SHISA9: variants seen among roughly 807,000 people sequenced by gnomAD.
SHISA9 encodes protein shisa-9.
In SHISA9, 13 loss-of-function variants were observed where a neutral mutation model predicts 38.0. The observed-to-expected ratio is 0.34, with a 90% CI of 0.22 to 0.54. The LOEUF (loss-of-function observed/expected upper bound fraction) is 0.54. Ranked by LOEUF, SHISA9 falls within the 20% of genes least tolerant of loss-of-function variation. The probability of loss-of-function intolerance (pLI) is 0.91; values close to 1 mark genes in which losing one functional copy is unlikely to be tolerated. For synonymous variants in SHISA9, 275 were observed against 242.0 expected, an observed-to-expected ratio of 1.14 and a Z score of -1.27; for missense variants, 538 against 575.8, an observed-to-expected ratio of 0.93 and a Z score of 0.67.
chr16:13,005,721 C>T (rs373759834), intron 2 of SHISA9, among the ~76,000 whole-genome samples: 63 of 152,272 alleles, frequency 4.1e-4, no homozygotes, highest in African/African-American at 1.4e-3. Context: ...TCCCTGAAAC[C>T]GGGCATCGGT....
At chr16:12,994,099 G>T (rs183966057) in intron 2 of SHISA9, among the ~76,000 whole-genome samples, 2 of 152,298 alleles carry the variant, frequency 1.3e-5, no homozygotes, top group Non-Finnish European at 1.5e-5. Context: ...TATGGAATTT[G>T]GGTCTTTCCT....
intron 2 of SHISA9, among the ~76,000 whole-genome samples, chr16:13,197,156 T>G (rs11648892): frequency 0.068 from 9,570 of 141,382 alleles, 397 homozygotes; most frequent in Middle Eastern, 0.12. Context: ...TATATATATA[T>G]AGAGAGAGAG....
At chr16:13,378,839 T>A in the SHISA9 span, among the ~76,000 whole-genome samples, 1 of 152,192 alleles carries the variant, frequency 6.6e-6, no homozygotes, top group Admixed American at 6.5e-5. Flanking sequence ...ATTACCTAGT[T>A]TGGGGGTTGC....
chr16:13,306,739 C>A, the SHISA9 span, among the ~76,000 whole-genome samples: 29 of 152,112 alleles, frequency 1.9e-4, no homozygotes, highest in Non-Finnish European at 3.4e-4. Context: ...AGAGAGTAAC[C>A]AGGAAGCTGC....
intron 3 of SHISA9, among the ~76,000 whole-genome samples, chr16:13,210,323 G>A (rs1303596190): frequency 2.0e-5 from 3 of 152,102 alleles, no homozygotes; most frequent in Non-Finnish European, 4.4e-5. Flanking sequence ...AAAGATTCAT[G>A]ATCATGTGCC....
At chr16:13,435,075 T>C in the SHISA9 span, among the ~76,000 whole-genome samples, 1 of 152,210 alleles carries the variant, frequency 6.6e-6, no homozygotes, top group Non-Finnish European at 1.5e-5. Flanking sequence ...AAACATACTT[T>C]CCTCTCTATT....
At chr16:13,224,972 CT>C (rs2051264820) in intron 4 of SHISA9, among the ~76,000 whole-genome samples, 1 of 152,076 alleles carries the variant, frequency 6.6e-6, no homozygotes, top group Non-Finnish European at 1.5e-5. Context: ...GAACCTCAGG[CT>C]GGGAATGCAC....
At chr16:13,104,748 G>A (rs1044856785) in intron 2 of SHISA9, among the ~76,000 whole-genome samples, 4 of 152,096 alleles carry the variant, frequency 2.6e-5, no homozygotes, top group African/African-American at 9.7e-5. Context: ...TGGGGGTGCT[G>A]AAAATGTTCT....
the SHISA9 span, among the ~76,000 whole-genome samples, chr16:13,468,827 T>A: frequency 6.6e-6 from 1 of 151,936 alleles, no homozygotes; most frequent in East Asian, 1.9e-4. Flanking sequence ...TGAAGAAAAA[T>A]AAAATATATA....
chr16:13,190,386 G>A (rs1486524505), intron 2 of SHISA9, among the ~76,000 whole-genome samples: 1 of 152,258 alleles, frequency 6.6e-6, no homozygotes, highest in East Asian at 1.9e-4. Flanking sequence ...GTTATGGGAC[G>A]TTAGGGATGT....
At chr16:13,475,671 C>T in the SHISA9 span, among the ~76,000 whole-genome samples, 22 of 152,122 alleles carry the variant, frequency 1.4e-4, no homozygotes, top group African/African-American at 4.6e-4. Flanking sequence ...ACATTTATTG[C>T]GGATTTTATT....
the SHISA9 span, among the ~76,000 whole-genome samples, chr16:13,386,793 T>C: frequency 6.6e-6 from 1 of 152,232 alleles, no homozygotes; most frequent in Non-Finnish European, 1.5e-5. Context: ...TTAATTGTTA[T>C]TGTAATGTTT....
chr16:12,905,537 G>A (rs753905169), intron 1 of SHISA9, among the ~76,000 whole-genome samples: 49 of 151,882 alleles, frequency 3.2e-4, no homozygotes, highest in Non-Finnish European at 6.5e-4. Flanking sequence ...GCTGATGGAG[G>A]GATAAATTAA....
At chr16:13,018,127 G>A (rs1490639140) in intron 2 of SHISA9, among the ~76,000 whole-genome samples, 1 of 152,210 alleles carries the variant, frequency 6.6e-6, no homozygotes, top group Non-Finnish European at 1.5e-5. Flanking sequence ...CTGGAGCCTT[G>A]ACCAGGTCAG....
At chr16:13,150,869 C>T (rs958663380) in intron 2 of SHISA9, among the ~76,000 whole-genome samples, 2 of 152,158 alleles carry the variant, frequency 1.3e-5, no homozygotes, top group Admixed American at 6.5e-5. Flanking sequence ...CACAATGTAA[C>T]GTTTCCTTTT....
At chr16:13,320,292 C>CAAAAAAAAAAAAAAA in the SHISA9 span, among the ~76,000 whole-genome samples, 5 of 38,978 alleles carry the variant, frequency 1.3e-4, no homozygotes, top group African/African-American at 3.0e-4. Context: ...GACTCTGTCT[C>CAAAAAAAAAAAAAAA]AAAAAAAAAA....
At chr16:13,175,154 C>T (rs1346298731) in intron 2 of SHISA9, among the ~76,000 whole-genome samples, 2 of 151,698 alleles carry the variant, frequency 1.3e-5, no homozygotes, top group Non-Finnish European at 2.9e-5. Flanking sequence ...ATTGCTTGAG[C>T]CCAGGAATTA....
At chr16:12,960,059 C>G (rs1233531786) in intron 2 of SHISA9, among the ~76,000 whole-genome samples, 1 of 152,128 alleles carries the variant, frequency 6.6e-6, no homozygotes, top group Non-Finnish European at 1.5e-5. Context: ...ATAAATAGGT[C>G]AAAACAGCCT....
At chr16:13,485,744 G>T in the SHISA9 span, among the ~76,000 whole-genome samples, 1 of 152,028 alleles carries the variant, frequency 6.6e-6, no homozygotes. Flanking sequence ...AAAACATATT[G>T]CTTCTGTGTT....
Sources: gnomAD v4.1 joint callset for allele counts (sites outside exome capture counted in the v4.1 genomes callset) on GRCh38, gnomAD v4.1.1 for gene constraint, MANE v1.5 for transcripts, NCBI Gene and HGNC (gene_info 2026-07-23, HGNC 2026-07-21) for gene names.